The following GNAQ variants were observed in gnomAD, a reference collection of about 807,000 sequenced individuals.
The protein encoded by GNAQ is guanine nucleotide-binding protein G(q) subunit alpha.
A neutral mutation model predicts 43.9 loss-of-function variants in GNAQ; 8 were observed. The observed-to-expected ratio is 0.18, with a 90% confidence interval of 0.11 to 0.33. The LOEUF (loss-of-function observed/expected upper bound fraction) is 0.33. Ranked by LOEUF, GNAQ falls within the 10% of genes least tolerant of loss-of-function variation. The probability of loss-of-function intolerance (pLI) is 1.00; values close to 1 mark genes in which losing one functional copy is unlikely to be tolerated. For missense variants in GNAQ, 158 were observed against 450.8 expected (o/e 0.35, Z 5.88); for synonymous variants, 155 against 170.7 (o/e 0.91, Z 0.71).
intron 1 of GNAQ, among the ~76,000 whole-genome samples, chr9:77,962,060 G>A (rs1388592960): frequency 6.6e-6 from 1 of 151,902 alleles, no homozygotes; most frequent in Non-Finnish European, 1.5e-5. Flanking sequence ...ATAGAAATAA[G>A]AGCAGATGAG....
In GNAQ at chr9:78,031,287, C is replaced by A. The variant is rs768742482; in HGVS notation, c.-52G>T. 1.5e-6 allele frequency: 2 copies of A among 1,373,558 alleles called. No homozygotes were observed. Among genetic ancestry groups the A allele is most frequent in the Admixed American group, 4.6e-5 (2 of 43,522 alleles). The allele number at this position is 1,373,558 out of a possible 1,614,324, so 85.1% of individuals were successfully genotyped here. ...CCGCCGGCACCCCCTGCTCACAGCG[C>A]GCACACACACCCTCCCGCCCTCGCT... is the stretch of plus-strand genomic sequence containing the variant. On this transcript the variant is annotated 5_prime_UTR_variant, in exon 1 of 7. Coordinates refer to ENST00000286548, the MANE Select transcript of GNAQ (RefSeq NM_002072.5).
At chr9:77,900,540 G>T (rs10781471) in intron 2 of GNAQ, among the ~76,000 whole-genome samples, 89,351 of 151,864 alleles carry the variant, frequency 0.59, 27,853 homozygotes, top group South Asian at 0.71. Context: ...GTTCACTCCC[G>T]TTCACTAATT....
intron 5 of GNAQ, among the ~76,000 whole-genome samples, chr9:77,775,380 T>C (rs1332559346): frequency 6.6e-6 from 1 of 151,456 alleles, no homozygotes; most frequent in African/African-American, 2.4e-5. Context: ...ATTAACAGTA[T>C]CTAAGAATGT....
intron 1 of GNAQ, among the ~76,000 whole-genome samples, chr9:78,006,738 G>C (rs1199685839): frequency 1.3e-5 from 2 of 152,174 alleles, no homozygotes; most frequent in African/African-American, 4.8e-5. Flanking sequence ...ATGTAACAAA[G>C]TCGAGTTTGA....
chr9:77,872,627 ATGAATG>A (rs1828057698), intron 2 of GNAQ, among the ~76,000 whole-genome samples: 1 of 152,238 alleles, frequency 6.6e-6, no homozygotes, highest in Admixed American at 6.5e-5. Flanking sequence ...GTTCTTGACC[ATGAATG>A]TGTGTGACTG....
intron 2 of GNAQ, among the ~76,000 whole-genome samples, chr9:77,873,794 C>A (rs1403303634): frequency 6.6e-6 from 1 of 152,138 alleles, no homozygotes; most frequent in Admixed American, 6.5e-5. Context: ...ATTTCATGAT[C>A]GTGGTAGTTC....
intron 5 of GNAQ, among the ~76,000 whole-genome samples, chr9:77,770,199 G>A (rs1043311750): frequency 2.0e-5 from 3 of 152,176 alleles, no homozygotes; most frequent in Non-Finnish European, 4.4e-5. Flanking sequence ...ATTCAACAAA[G>A]TTAGGTTTAC....
chr9:77,805,307 A>G (rs2118482881), intron 3 of GNAQ, among the ~76,000 whole-genome samples: 1 of 152,298 alleles, frequency 6.6e-6, no homozygotes, highest in Non-Finnish European at 1.5e-5. Context: ...CAGAGAGCAA[A>G]TCAACTTTCC....
At chr9:77,968,104 T>C (rs1287398328) in intron 1 of GNAQ, among the ~76,000 whole-genome samples, 6 of 152,230 alleles carry the variant, frequency 3.9e-5, no homozygotes, top group East Asian at 1.9e-4. Flanking sequence ...ATCCACTGAA[T>C]TGTATACATT....
intron 2 of GNAQ, among the ~76,000 whole-genome samples, chr9:77,863,192 AAGGAAGGAAGGAAGGAAGGAAGGAAGGG>A (rs1368942800): frequency 6.7e-6 from 1 of 149,056 alleles, no homozygotes; most frequent in Non-Finnish European, 1.5e-5. Context: ...GGAAGGAAGG[AAGGAAGGAAGGAAGGAAGGAAGGAAGGG>A]AGGAAGGAAG....
At chr9:77,791,500 G>C (rs1826573161) in intron 5 of GNAQ, among the ~76,000 whole-genome samples, 1 of 152,052 alleles carries the variant, frequency 6.6e-6, no homozygotes, top group African/African-American at 2.4e-5. Flanking sequence ...ACAGTAAAGG[G>C]AATACGCAAA....
intron 2 of GNAQ, among the ~76,000 whole-genome samples, chr9:77,869,691 A>T (rs1358397539): frequency 2.0e-5 from 3 of 152,174 alleles, no homozygotes; most frequent in Non-Finnish European, 4.4e-5. Flanking sequence ...TAATTTGGCC[A>T]CTTCCTACCT....
At chr9:77,768,717 T>G (rs368852717) in intron 5 of GNAQ, among the ~76,000 whole-genome samples, 3 of 152,240 alleles carry the variant, frequency 2.0e-5, no homozygotes, top group Admixed American at 1.3e-4. Flanking sequence ...TCAACACTGC[T>G]AAACCACTCA....
intron 1 of GNAQ, among the ~76,000 whole-genome samples, chr9:77,993,247 T>C (rs1448533556): frequency 6.6e-6 from 1 of 152,170 alleles, no homozygotes; most frequent in Non-Finnish European, 1.5e-5. Context: ...AATTTTTTAA[T>C]TAGCTGTCAG....
intron 5 of GNAQ, among the ~76,000 whole-genome samples, chr9:77,746,897 G>A (rs1476012839): frequency 2.6e-5 from 4 of 152,284 alleles, no homozygotes; most frequent in Admixed American, 6.5e-5. Flanking sequence ...CTATCAGGAG[G>A]TGGTGGTGAT....
intron 2 of GNAQ, among the ~76,000 whole-genome samples, chr9:77,818,438 ATTT>A (rs1285573415): frequency 6.6e-6 from 1 of 151,314 alleles, no homozygotes; most frequent in Non-Finnish European, 1.5e-5. Flanking sequence ...AATACTCTCA[ATTT>A]TTTGTAAAAA....
chr9:77,752,063 T>C (rs1016840898), intron 5 of GNAQ, among the ~76,000 whole-genome samples: 3 of 152,222 alleles, frequency 2.0e-5, no homozygotes, highest in African/African-American at 7.2e-5. Context: ...AACAACTTTA[T>C]CTCAGTATGC....
chr9:77,733,482 C>A (rs1199336994), intron 5 of GNAQ, among the ~76,000 whole-genome samples: 4 of 152,188 alleles, frequency 2.6e-5, no homozygotes. Flanking sequence ...GTCACCACTG[C>A]CACATGACTG....
intron 2 of GNAQ, among the ~76,000 whole-genome samples, chr9:77,856,515 T>C (rs138956960): frequency 6.6e-6 from 1 of 152,212 alleles, no homozygotes; most frequent in Non-Finnish European, 1.5e-5. Context: ...CAGTATTTCA[T>C]ACACAATAGT....
Sources: allele counts gnomAD v4.1 joint callset (sites outside exome capture counted in the v4.1 genomes callset), GRCh38; gene constraint gnomAD v4.1.1; transcripts MANE v1.5; gene names NCBI Gene and HGNC (gene_info 2026-07-23, HGNC 2026-07-21).